TBC1D31: variants seen among roughly 807,000 people sequenced by gnomAD.
TBC1D31 encodes TBC1 domain family member 31.
TBC1D31 carries 99 observed loss-of-function variants against 132.9 expected under a neutral mutation model. That is an observed-to-expected ratio of 0.74 (90% CI 0.63 to 0.88). The LOEUF (loss-of-function observed/expected upper bound fraction) is 0.88. Ranked by LOEUF, TBC1D31 falls within the 40% of genes least tolerant of loss-of-function variation. The pLI, the probability that TBC1D31 is intolerant of heterozygous loss-of-function variation, is 0.00. For missense variants in TBC1D31, 1,134 were observed against 1,256.6 expected (o/e 0.90, Z 1.48); for synonymous variants, 385 against 419.4 (o/e 0.92, Z 1.00).
intron 11 of TBC1D31, among the ~76,000 whole-genome samples, chr8:123,124,220 C>T (rs1819793654): frequency 6.6e-6 from 1 of 152,164 alleles, no homozygotes; most frequent in Non-Finnish European, 1.5e-5. Flanking sequence ...CTAGTTGGGA[C>T]TTAGAAGACA....
chr8:123,141,048 T>G (rs1563752494), intron 18 of TBC1D31, 147 bp downstream of exon 18: 1 of 725,286 alleles, frequency 1.4e-6, no homozygotes, highest in East Asian at 2.7e-5. Context: ...AATCTCACAT[T>G]GCTTCCTTTT....
intron 14 of TBC1D31, among the ~76,000 whole-genome samples, 174 bp from the exon 15 acceptor site, chr8:123,128,891 CA>C (rs1215994066): frequency 6.6e-6 from 1 of 151,518 alleles, no homozygotes; most frequent in African/African-American, 2.4e-5. Context: ...AAAAAAAATG[CA>C]TTTAAATTAT....
chr8:123,083,682 T>C (rs1292579673), intron 3 of TBC1D31: 1 of 152,738 alleles, frequency 6.5e-6, no homozygotes, highest in African/African-American at 2.4e-5. Flanking sequence ...TATTTTTTGT[T>C]TTTCTCCTTA....
chr8:123,092,355 T>C (rs1028846150), intron 4 of TBC1D31, among the ~76,000 whole-genome samples: 5 of 152,250 alleles, frequency 3.3e-5, no homozygotes, highest in African/African-American at 1.2e-4. Context: ...TTTGGGAAGA[T>C]ATATATTTTA....
chr8:123,102,220 C>G lies in TBC1D31; in HGVS notation c.1032+1213C>G, dbSNP rs1197458712. The G allele has an allele frequency of 6.6e-6, 3 of 456,270 alleles. No individual in the cohort carries two copies. The East Asian group carries it at 2.1e-4, about 32-fold the overall frequency. 28.3% of individuals were successfully genotyped at this position (456,270 alleles called of 1,614,324 possible). On this transcript the variant is annotated intron_variant, in intron 7 of 21. Transcript: ENST00000287380. ...CTCTAACAGAGACTTTGATGATCAC[C>G]TGGTCTAACCCTTTCATTTTACACA...
chr8:123,101,653 T>G (rs1443363836), intron 7 of TBC1D31, among the ~76,000 whole-genome samples: 1 of 152,146 alleles, frequency 6.6e-6, no homozygotes, highest in Non-Finnish European at 1.5e-5. Context: ...GACCTCATGA[T>G]CCACCCACCT....
In TBC1D31 at chr8:123,126,741, A is replaced by AT. The variant is rs1047117620; in HGVS notation, c.1884+64dup. On this transcript the variant is annotated intron_variant, in intron 13 of 21. Coordinates refer to ENST00000287380, the MANE Select transcript of TBC1D31 (RefSeq NM_145647.4). The stretch of plus-strand genomic sequence containing the variant: ...TCTCAAATATCAGTTATTTCTCTCT[A>AT]TTTTTTTTTTAATTTTTTGAGACAG... The AT allele has an allele frequency of 3.3e-3, 4,510 of 1,355,922 alleles. 1 individual carries two copies. The highest frequency in any genetic ancestry group is 5.3e-3 in the Admixed American group (225 of 42,472). The allele number at this position is 1,355,922 out of a possible 1,614,324, so 84.0% of individuals were successfully genotyped here.
At chr8:123,073,358 G>A in intron 1 of TBC1D31, 3 of 456,410 alleles carry the variant, frequency 6.6e-6, no homozygotes, top group Non-Finnish European at 1.3e-5. Flanking sequence ...TGTGTGCCAA[G>A]CACGCCTCTA....
At chr8:123,142,124 A>G (rs1258759388) in intron 18 of TBC1D31, 138 bp from the exon 19 acceptor site, 4 of 526,702 alleles carry the variant, frequency 7.6e-6, no homozygotes, top group African/African-American at 6.0e-5. Context: ...GCTTATTTTA[A>G]ACACTCCCAG....
rs138282928 is a variant in TBC1D31, at chr8:123,086,292, A to G, written c.519+1952A>G. Among the ~76,000 whole-genome samples the G allele has an allele frequency of 3.5e-3, 538 of 152,306 alleles. 3 individuals carry two copies. Among genetic ancestry groups the G allele is most frequent in the Non-Finnish European group, 5.6e-3 (378 of 68,026 alleles). ...GATAATAGTTACTGAAGCATTTACTATGCTTCAGGCATTGTATTAAGAACT... is the reference window on the plus strand; with the variant it reads ...GATAATAGTTACTGAAGCATTTACTGTGCTTCAGGCATTGTATTAAGAACT... On this transcript the variant is annotated intron_variant, in intron 4 of 21. Coordinates refer to ENST00000287380, the MANE Select transcript of TBC1D31 (RefSeq NM_145647.4).
At chr8:123,094,541 T>TTATG (rs1816667284) in intron 5 of TBC1D31, among the ~76,000 whole-genome samples, 3 of 151,616 alleles carry the variant, frequency 2.0e-5, no homozygotes, top group Admixed American at 6.6e-5. Context: ...ATTTATTTAT[T>TTATG]TATTTATTTA....
At chr8:123,092,837 A>T (rs923502212) in intron 4 of TBC1D31, among the ~76,000 whole-genome samples, 5 of 73,774 alleles carry the variant, frequency 6.8e-5, no homozygotes, top group Admixed American at 6.2e-4. Context: ...TTTGAGACGA[A>T]GGCTCACTCC....
the TBC1D31 span, among the ~76,000 whole-genome samples, chr8:123,159,803 A>T: frequency 6.6e-6 from 1 of 152,186 alleles, no homozygotes; most frequent in Admixed American, 6.5e-5. Context: ...AAAAAAAAAA[A>T]AAGCTAAGAT....
intron 16 of TBC1D31, among the ~76,000 whole-genome samples, chr8:123,133,479 C>T (rs78899733): frequency 0.015 from 2,324 of 152,214 alleles, 53 homozygotes; most frequent in African/African-American, 0.053. Flanking sequence ...TTTAGGTATT[C>T]GATAGCATGT....
chr8:123,079,274 A>T (rs926564505), intron 2 of TBC1D31, among the ~76,000 whole-genome samples: 3 of 152,368 alleles, frequency 2.0e-5, no homozygotes, highest in African/African-American at 7.2e-5. Flanking sequence ...TTAGGATTAG[A>T]TGGTGGTAAT....
At chr8:123,141,799 A>T (rs904824381) in intron 18 of TBC1D31, among the ~76,000 whole-genome samples, 2 of 143,828 alleles carry the variant, frequency 1.4e-5, no homozygotes, top group African/African-American at 2.6e-5. Flanking sequence ...ACCCTAGCCG[A>T]TAAGTTCTTA....
chr8:123,114,394 C>A (rs1050171239), intron 10 of TBC1D31, among the ~76,000 whole-genome samples: 1 of 152,106 alleles, frequency 6.6e-6, no homozygotes, highest in Non-Finnish European at 1.5e-5. Flanking sequence ...CATCTTGGCT[C>A]ACTGTAACCT....
intron 7 of TBC1D31, among the ~76,000 whole-genome samples, chr8:123,101,626 G>T (rs1040065685): frequency 6.6e-6 from 1 of 152,196 alleles, no homozygotes; most frequent in East Asian, 1.9e-4. Context: ...TGTTGGTCAG[G>T]CTGGTCTCAA....
Position 123,128,505 on chromosome 8 carries a change from AAGAG to A in TBC1D31, c.2114_2117del (p.Glu705GlyfsTer46), listed in dbSNP as rs1174025009. ...TAAGGAATGATGAATTGGATTACTT[AAGAG>A]AGAGGTAATTATGGAATAGTTTTTC... is the stretch of plus-strand genomic sequence containing the variant. On this transcript the variant is annotated frameshift_variant, in exon 14 of 22. Transcript: ENST00000287380. LOFTEE classifies it high-confidence loss of function. 1 of 1,584,868 alleles carries A rather than the reference AAGAG, an allele frequency of 6.3e-7. No homozygotes were observed. The highest frequency in any genetic ancestry group is 1.3e-5 in the African/African-American group (1 of 74,272).
Sources: gnomAD v4.1 joint callset for allele counts (sites outside exome capture counted in the v4.1 genomes callset) on GRCh38, gnomAD v4.1.1 for gene constraint, MANE v1.5 for transcripts, NCBI Gene and HGNC (gene_info 2026-07-23, HGNC 2026-07-21) for gene names.